TRIM11: variants seen among roughly 807,000 people sequenced by gnomAD.
The protein encoded by TRIM11 is E3 ubiquitin-protein ligase TRIM11.
Under a neutral mutation model 33.4 loss-of-function variants are expected in TRIM11, and 15 were observed. The observed-to-expected ratio is 0.45, with a 90% CI of 0.30 to 0.69. The LOEUF (loss-of-function observed/expected upper bound fraction) is 0.69. Among genes scored for constraint, TRIM11 ranks in the 30% least tolerant of loss-of-function variants. The pLI, the probability that TRIM11 is intolerant of heterozygous loss-of-function variation, is 0.08. For synonymous variants in TRIM11, 281 were observed against 302.6 expected (o/e 0.93, Z 0.74); for missense variants, 499 against 667.6 (o/e 0.75, Z 2.78).
In TRIM11 at chr1:228,406,165, C is replaced by T; in HGVS notation, c.397G>A (p.Glu133Lys). Residue 133 changes from glutamate (E) to lysine (K), a missense_variant, in exon 1 of 6, where the codon GAA becomes AAA. Physicochemically the swap from Glu to Lys is moderately conservative, Grantham distance 56. Coordinates refer to ENST00000284551, the MANE Select transcript of TRIM11 (RefSeq NM_145214.3). The surrounding 1 kb of genome is among the most constrained non-coding windows in gnomAD (Gnocchi z 8.2). ...HRVRPLQDAA[E>K]DLKAKLEKSL... ...CCGCCCAGGAGCACCTTGAGGTCTT[C>T]GGCCGCGTCCTGCAGCGGCCGCACG... 1 of 1,406,426 alleles carries T rather than the reference C, an allele frequency of 7.1e-7. No homozygotes were observed. Among genetic ancestry groups the T allele is most frequent in the East Asian group, 3.0e-5 (1 of 33,692 alleles). The allele number at this position is 1,406,426 out of a possible 1,614,324, so 87.1% of individuals were successfully genotyped here.
chr1:228,394,455 G>A lies in TRIM11; in HGVS notation c.*250C>T, dbSNP rs1036470538. 6 of 527,910 alleles carry A rather than the reference G, an allele frequency of 1.1e-5. No individual in the cohort carries two copies. Among genetic ancestry groups the A allele is most frequent in the Non-Finnish European group, 2.0e-5 (6 of 302,092 alleles). The allele number at this position is 527,910 out of a possible 1,614,324, so 32.7% of individuals were successfully genotyped here. A position where few individuals can be genotyped will look rare whatever the true frequency, so the allele number is the denominator to read the frequency against. Reference sequence around the variant, plus strand: ...AATGGGGCTCCCAGCTTTGGTAAGGGCTGTTGGCATTAAGTGGCACCCGGT... The same window carrying A: ...AATGGGGCTCCCAGCTTTGGTAAGGACTGTTGGCATTAAGTGGCACCCGGT... On this transcript the variant is annotated 3_prime_UTR_variant, in exon 6 of 6. Transcript: ENST00000284551. The surrounding 1 kb of genome is among the most constrained non-coding windows in gnomAD (Gnocchi z 6.2).
Position 228,395,152 on chromosome 1 carries a change from G to A in TRIM11, c.960C>T (p.Asp320=). The A allele has an allele frequency of 6.6e-7, 1 of 1,524,268 alleles. No homozygotes were observed. Among genetic ancestry groups the A allele is most frequent in the Non-Finnish European group, 8.8e-7 (1 of 1,142,832 alleles). The allele number at this position is 1,524,268 out of a possible 1,614,324, so 94.4% of individuals were successfully genotyped here. Residue 320 remains aspartate, a synonymous_variant, in exon 6 of 6, where the codon GAC becomes GAT. Coordinates refer to ENST00000284551, the MANE Select transcript of TRIM11 (RefSeq NM_145214.3). This position sits in a 1 kb window ranked among gnomAD's most constrained non-coding sequence, Gnocchi z 4.8. The stretch of plus-strand genomic sequence containing the variant: ...GGCCGGGGTCAAAGCGCTCTGGGCT[G>A]TCCGGCAGGGCCTGCCGTAGGTCCC... ...QRGDLRQALP[D]SPERFDPGPC... is the part of the protein sequence containing the mutation.
chr1:228,400,736 G>T lies in TRIM11; in HGVS notation c.735+228C>A, dbSNP rs993542331. 6.6e-6 allele frequency among the ~76,000 whole-genome samples: 1 copy of T among 152,172 alleles called. No individual in the cohort carries two copies. Among genetic ancestry groups the T allele is most frequent in the African/African-American group, 2.4e-5 (1 of 41,428 alleles). On this transcript the variant is annotated intron_variant, in intron 3 of 5. Transcript: ENST00000284551. This position sits in a 1 kb window ranked among gnomAD's most constrained non-coding sequence, Gnocchi z 4.5. ...ACATCAACTGTTTACATCTACAGAG[G>T]AAAATTGATTTTCCCTTTCTCGGCA...
chr1:228,405,864 C>T, intron 1 of TRIM11: 1 of 365,614 alleles, frequency 2.7e-6, no homozygotes, highest in Non-Finnish European at 4.9e-6. Context: ...ACCTTCCTCT[C>T]TTAGCCTCTA....
intron 5 of TRIM11, chr1:228,396,492 A>C (rs2074987687): frequency 3.4e-6 from 2 of 594,222 alleles, no homozygotes; most frequent in East Asian, 5.5e-5. Flanking sequence ...CCTTCACAAT[A>C]AACCAATGAC....
In TRIM11 at chr1:228,393,872, C is replaced by T. The variant is rs1368959083; in HGVS notation, c.*833G>A. 6.6e-6 allele frequency: 1 copy of T among 152,206 alleles called. No individual in the cohort carries two copies. The highest frequency in any genetic ancestry group is 2.1e-4 in the South Asian group (1 of 4,834). The allele number at this position is 152,206 out of a possible 1,614,324, so 9.4% of individuals were successfully genotyped here. On this transcript the variant is annotated 3_prime_UTR_variant, in exon 6 of 6. Transcript: ENST00000284551. Reference sequence around the variant, plus strand: ...CCCCAGGGTAGAGAGACTGCAAGGCCGGCGGCCAGCAGTGCACATCCCCAA... The same window carrying T: ...CCCCAGGGTAGAGAGACTGCAAGGCTGGCGGCCAGCAGTGCACATCCCCAA...
intron 1 of TRIM11, chr1:228,404,547 TG>T (rs1398026026): frequency 1.3e-5 from 2 of 152,232 alleles, no homozygotes; most frequent in Non-Finnish European, 2.9e-5. Context: ...TATACCGCTG[TG>T]GTACAAGAAT....
chr1:228,397,485 G>A (rs948360827), intron 3 of TRIM11: 20 of 392,500 alleles, frequency 5.1e-5, no homozygotes, highest in Middle Eastern at 6.9e-4. Flanking sequence ...CCAAGTGGGC[G>A]CCTCTGGGTG....
In TRIM11 at chr1:228,395,064, C is replaced by G. The variant is rs777816344; in HGVS notation, c.1048G>C (p.Asp350His). 3.7e-6 allele frequency: 6 copies of G among 1,610,446 alleles called. No homozygotes were observed. In the South Asian group the frequency reaches 5.5e-5, roughly 15 times the overall value. The change falls in exon 6 of 6, where the codon GAC becomes CAC. Residue 350 changes from aspartate (D) to histidine (H), a missense_variant. Coordinates refer to ENST00000284551, the MANE Select transcript of TRIM11 (RefSeq NM_145214.3). The surrounding 1 kb of genome is among the most constrained non-coding windows in gnomAD (Gnocchi z 4.8). ...ACCCCCAGGGCCCAGCTGGTGCGGT[C>G]CCCAACCTCCACCTCCCAGTAGTGG... ...GRHYWEVEVG[D>H]RTSWALGVCR...
At chr1:228,396,530 A>G in intron 5 of TRIM11, 1 of 611,286 alleles carries the variant, frequency 1.6e-6, no homozygotes, top group Non-Finnish European at 2.9e-6. Flanking sequence ...TCTGAGTTCC[A>G]TGGGCTGTGC....
Position 228,406,688 on chromosome 1 carries a change from C to G in TRIM11, c.-127G>C. On this transcript the variant is annotated 5_prime_UTR_variant, in exon 1 of 6. Coordinates refer to ENST00000284551, the MANE Select transcript of TRIM11 (RefSeq NM_145214.3). The surrounding 1 kb of genome is among the most constrained non-coding windows in gnomAD (Gnocchi z 8.2). ...CTCGGGCACTCCGGGGCGCGAGGCT[C>G]GGGACTCCCGGGTGCTCGGGCTCCG... is the stretch of plus-strand genomic sequence containing the variant. 1.1e-6 allele frequency: 1 copy of G among 910,406 alleles called. No homozygotes were observed. Among genetic ancestry groups the G allele is most frequent in the Non-Finnish European group, 1.5e-6 (1 of 685,548 alleles). 56.4% of individuals were successfully genotyped at this position (910,406 alleles called of 1,614,324 possible). A position where few individuals can be genotyped will look rare whatever the true frequency, so the allele number is the denominator to read the frequency against.
intron 1 of TRIM11, chr1:228,404,731 G>T (rs976090296): frequency 6.6e-6 from 1 of 152,182 alleles, no homozygotes; most frequent in African/African-American, 2.4e-5. Flanking sequence ...CCATTATCTT[G>T]TGTTAATTCT....
In TRIM11 at chr1:228,406,809, G is replaced by T. The variant is rs1359949720; in HGVS notation, c.-248C>A. On this transcript the variant is annotated 5_prime_UTR_variant, in exon 1 of 6. Coordinates refer to ENST00000284551, the MANE Select transcript of TRIM11 (RefSeq NM_145214.3). This position sits in a 1 kb window ranked among gnomAD's most constrained non-coding sequence, Gnocchi z 8.2. ...GGGGACGCGGGACGTAGGGATCCCGGATGCCGGCAGGAAGAGGAGCCGAGG... is the reference window on the plus strand; with the variant it reads ...GGGGACGCGGGACGTAGGGATCCCGTATGCCGGCAGGAAGAGGAGCCGAGG... 2 of 293,746 alleles carry T rather than the reference G, an allele frequency of 6.8e-6. No individual in the cohort carries two copies. Among genetic ancestry groups the T allele is most frequent in the Non-Finnish European group, 1.2e-5 (2 of 161,584 alleles). The allele number at this position is 293,746 out of a possible 1,614,324, so 18.2% of individuals were successfully genotyped here.
In TRIM11 at chr1:228,406,053, C is replaced by G; in HGVS notation, c.408+101G>C. On this transcript the variant is annotated intron_variant, in intron 1 of 5. Coordinates refer to ENST00000284551, the MANE Select transcript of TRIM11 (RefSeq NM_145214.3). This position sits in a 1 kb window ranked among gnomAD's most constrained non-coding sequence, Gnocchi z 8.2. The stretch of plus-strand genomic sequence containing the variant: ...CTGAGCTCCCCGCCCTAGACAGAGA[C>G]AGATTACTCCCGGAGCAGTCCCCCA... 7.9e-7 allele frequency: 1 copy of G among 1,264,356 alleles called. No individual in the cohort carries two copies. Among genetic ancestry groups the G allele is most frequent in the Non-Finnish European group, 1.0e-6 (1 of 988,458 alleles). The allele number at this position is 1,264,356 out of a possible 1,614,324, so 78.3% of individuals were successfully genotyped here. A position where few individuals can be genotyped will look rare whatever the true frequency, so the allele number is the denominator to read the frequency against.
intron 1 of TRIM11, 120 bp from the exon 2 acceptor site, chr1:228,402,281 T>A: frequency 1.4e-6 from 1 of 699,134 alleles, no homozygotes. Context: ...ATCTGCCTGG[T>A]GAATCAGGGA....
intron 5 of TRIM11, chr1:228,396,734 C>T (rs771693059): frequency 1.3e-5 from 9 of 718,836 alleles, no homozygotes; most frequent in South Asian, 5.9e-5. Context: ...ATACCCAATT[C>T]GTTTCCAGAA....
rs1184114236 is a variant in TRIM11 at position 228,406,034 on chromosome 1, T to C, written c.408+120A>G. Reference sequence around the variant, plus strand: ...GCCCACAGCAGGCTGCATCCTGAGCTCCCCGCCCTAGACAGAGACAGATTA... The same window carrying C: ...GCCCACAGCAGGCTGCATCCTGAGCCCCCCGCCCTAGACAGAGACAGATTA... On this transcript the variant is annotated intron_variant, in intron 1 of 5. Transcript: ENST00000284551. The surrounding 1 kb of genome is among the most constrained non-coding windows in gnomAD (Gnocchi z 8.2). The C allele has an allele frequency of 3.4e-6, 4 of 1,177,426 alleles. No homozygotes were observed. In the Admixed American group the frequency reaches 1.3e-4, roughly 37 times the overall value. The allele number at this position is 1,177,426 out of a possible 1,614,324, so 72.9% of individuals were successfully genotyped here. A position where few individuals can be genotyped will look rare whatever the true frequency, so the allele number is the denominator to read the frequency against.
chr1:228,396,549 G>GCT, intron 5 of TRIM11: 1 of 624,720 alleles, frequency 1.6e-6, no homozygotes, highest in South Asian at 1.9e-5. Context: ...GCTAGCGAAT[G>GCT]CTCACATCTG....
rs776907791 is a variant in TRIM11 at position 228,402,178 on chromosome 1, G to A, written c.409-17C>T. 6 of 1,601,770 alleles carry A rather than the reference G, an allele frequency of 3.7e-6. No homozygotes were observed. The Admixed American group carries it at 1.0e-4, about 27-fold the overall frequency. ...CAGCTTCGCCTGCGGGAGAGGCCAG[G>A]CAGGACCATGAGACATGAGTCCTGT... On this transcript the variant is annotated splice_polypyrimidine_tract_variant and intron_variant, in intron 1 of 5. Coordinates refer to ENST00000284551, the MANE Select transcript of TRIM11 (RefSeq NM_145214.3).
Sources: allele counts gnomAD v4.1 joint callset (sites outside exome capture counted in the v4.1 genomes callset), GRCh38; gene constraint gnomAD v4.1.1; non-coding constraint Gnocchi (gnomAD v3.1); transcripts MANE v1.5; gene names NCBI Gene and HGNC (gene_info 2026-07-23, HGNC 2026-07-21).